The following FIG4 variants were observed in gnomAD, a reference collection of about 807,000 sequenced individuals.
The protein encoded by FIG4 is FIG4 phosphoinositide 5-phosphatase, also known as polyphosphoinositide phosphatase.
Under a neutral mutation model 118.6 loss-of-function variants are expected in FIG4, and 112 were observed. That is an observed-to-expected ratio of 0.94 (90% CI 0.81 to 1.11). The LOEUF is 1.11. FIG4 is among the 50% of genes least tolerant of loss of function. The pLI is 0.00. For missense variants in FIG4, 969 were observed against 1,111.7 expected (o/e 0.87, Z 1.83); for synonymous variants, 369 against 381.2 (o/e 0.97, Z 0.37).
chr6:109,735,608 AT>A (rs1583664029), intron 6 of FIG4, among the ~76,000 whole-genome samples: 1 of 151,842 alleles, frequency 6.6e-6, no homozygotes, highest in Non-Finnish European at 1.5e-5. Context: ...TACATGGATA[AT>A]TTTTTTTAAT....
At chr6:109,789,360 A>G (rs1212672888) in intron 18 of FIG4, among the ~76,000 whole-genome samples, 1 of 152,180 alleles carries the variant, frequency 6.6e-6, no homozygotes, top group African/African-American at 2.4e-5. Flanking sequence ...TAATGGTTTT[A>G]TGTCCCTATT....
intron 1 of FIG4, among the ~76,000 whole-genome samples, chr6:109,712,473 G>C (rs1426867263): frequency 6.6e-6 from 1 of 151,200 alleles, no homozygotes; most frequent in East Asian, 1.9e-4. Flanking sequence ...CTCTATTCTT[G>C]TCTTATTTCA....
At chr6:109,798,993 T>C (rs1391618621) in intron 22 of FIG4, among the ~76,000 whole-genome samples, 1 of 152,160 alleles carries the variant, frequency 6.6e-6, no homozygotes, top group East Asian at 1.9e-4. Flanking sequence ...AATTGTATTA[T>C]ACAAAGTGAT....
intron 1 of FIG4, among the ~76,000 whole-genome samples, chr6:109,707,992 C>T (rs1347385369): frequency 5.4e-4 from 76 of 141,508 alleles, no homozygotes; most frequent in Middle Eastern, 3.8e-3. Flanking sequence ...TCTCAGTATT[C>T]TTTTTTTTTT....
chr6:109,781,535 G>C (rs1777802215), intron 16 of FIG4, among the ~76,000 whole-genome samples: 1 of 151,754 alleles, frequency 6.6e-6, no homozygotes, highest in Non-Finnish European at 1.5e-5. Context: ...CCCTTGTCCT[G>C]GATGCTGTGT....
chr6:109,809,559 C>A (rs764831883), intron 22 of FIG4, among the ~76,000 whole-genome samples: 6 of 152,096 alleles, frequency 3.9e-5, no homozygotes, highest in African/African-American at 7.2e-5. Context: ...AACTTGTTCG[C>A]ATAGGGTAGT....
At chr6:109,727,774 A>C (rs1279454772) in intron 4 of FIG4, among the ~76,000 whole-genome samples, 1 of 152,198 alleles carries the variant, frequency 6.6e-6, no homozygotes, top group East Asian at 1.9e-4. Flanking sequence ...TTAGTAGTTA[A>C]ATATTGCTAA....
intron 2 of FIG4, 35 bp downstream of exon 2, chr6:109,715,211 T>C: frequency 9.7e-7 from 1 of 1,033,252 alleles, no homozygotes; most frequent in Admixed American, 1.7e-5. Context: ...CAAAAAAACT[T>C]TCATACCTGT....
chr6:109,771,086 T>A (rs1420584940), intron 15 of FIG4, among the ~76,000 whole-genome samples: 1 of 152,210 alleles, frequency 6.6e-6, no homozygotes, highest in African/African-American at 2.4e-5. Flanking sequence ...AACAGCAGAT[T>A]GTGAGTGAAT....
At chr6:109,695,671 G>A (rs1774696540) in intron 1 of FIG4, among the ~76,000 whole-genome samples, 1 of 151,778 alleles carries the variant, frequency 6.6e-6, no homozygotes, top group Non-Finnish European at 1.5e-5. Flanking sequence ...TGCTTTAATT[G>A]GACCACTGCC....
Position 109,738,464 on chromosome 6 carries a change from T to A in FIG4, c.775+11T>A. On this transcript the variant is annotated intron_variant, in intron 7 of 22. Coordinates refer to ENST00000230124, the MANE Select transcript of FIG4 (RefSeq NM_014845.6). ...TCTGTGGGCAGTCAAGTATCCTTTC[T>A]GAAGAAAAAGTAAGATACATATTAC... is the stretch of plus-strand genomic sequence containing the variant. 1 of 1,611,270 alleles carries A rather than the reference T, an allele frequency of 6.2e-7. No individual in the cohort carries two copies. Among genetic ancestry groups the A allele is most frequent in the South Asian group, 1.1e-5 (1 of 91,052 alleles).
chr6:109,746,389 G>A (rs1258790216), intron 10 of FIG4, among the ~76,000 whole-genome samples: 2 of 152,126 alleles, frequency 1.3e-5, no homozygotes, highest in African/African-American at 2.4e-5. Context: ...TTATAATGGA[G>A]AGAAGTCTTC....
At chr6:109,707,313 GTA>G (rs957271367) in intron 1 of FIG4, among the ~76,000 whole-genome samples, 6 of 145,650 alleles carry the variant, frequency 4.1e-5, no homozygotes, top group South Asian at 2.1e-4. Flanking sequence ...GTGTGTATGT[GTA>G]TATATATATG....
At chr6:109,743,023 A>G in intron 8 of FIG4, 87 bp from the exon 9 acceptor site, 1 of 1,170,638 alleles carries the variant, frequency 8.5e-7, no homozygotes. Flanking sequence ...CTTCATTGAA[A>G]GAATAGGAAT....
At chr6:109,693,027 C>T (rs1314345562) in intron 1 of FIG4, among the ~76,000 whole-genome samples, 3 of 152,204 alleles carry the variant, frequency 2.0e-5, no homozygotes, top group African/African-American at 7.2e-5. Context: ...GCTGATCACT[C>T]ATGAGGACTG....
chr6:109,743,135 C>G lies in FIG4; in HGVS notation c.902C>G (p.Thr301Ser). 1 of 1,612,828 alleles carries G rather than the reference C, an allele frequency of 6.2e-7. No homozygotes were observed. Among genetic ancestry groups the G allele is most frequent in the Non-Finnish European group, 8.5e-7 (1 of 1,179,172 alleles). ...CEGDVANEVE[T>S]EQILCDASVM... ...GGTGATGTTGCAAATGAAGTGGAGA[C>G]TGAACAAATACTCTGCGATGCTTCT... The change falls in exon 9 of 23, where the codon ACT becomes AGT. Residue 301 changes from threonine to serine, a missense_variant. Transcript: ENST00000230124.
chr6:109,795,126 T>C (rs1157657296), intron 21 of FIG4, among the ~76,000 whole-genome samples: 1 of 64,396 alleles, frequency 1.6e-5, no homozygotes, highest in Non-Finnish European at 2.6e-5. Flanking sequence ...TTTTTTTTTT[T>C]TTTTTTTTTG....
chr6:109,763,884 T>C, intron 12 of FIG4, 53 bp from the exon 13 acceptor site: 1 of 1,187,324 alleles, frequency 8.4e-7, no homozygotes, highest in East Asian at 2.3e-5. Flanking sequence ...GTACTGAAAA[T>C]AAATATGTAT....
intron 22 of FIG4, among the ~76,000 whole-genome samples, chr6:109,805,914 AT>A (rs1778552022): frequency 6.6e-6 from 1 of 152,196 alleles, no homozygotes; most frequent in African/African-American, 2.4e-5. Flanking sequence ...AAATACATTT[AT>A]TTTTGATAAT....
Sources: allele counts gnomAD v4.1 joint callset (sites outside exome capture counted in the v4.1 genomes callset), GRCh38; gene constraint gnomAD v4.1.1; transcripts MANE v1.5; gene names NCBI Gene and HGNC (gene_info 2026-07-23, HGNC 2026-07-21).